Variants in OPCML observed in about 807,000 individuals in gnomAD.
The protein encoded by OPCML is opioid binding protein/cell adhesion molecule like.
A neutral mutation model predicts 37.8 loss-of-function variants in OPCML; 13 were observed. That is an observed-to-expected ratio of 0.34 (90% CI 0.22 to 0.55). The LOEUF (loss-of-function observed/expected upper bound fraction) is 0.55, where lower values mean the gene tolerates loss of function less well. Ranked by LOEUF, OPCML falls within the 20% of genes least tolerant of loss-of-function variation. The pLI, the probability that OPCML is intolerant of heterozygous loss-of-function variation, is 0.91. For missense variants in OPCML, 341 were observed against 435.6 expected, an observed-to-expected ratio of 0.78 and a Z score of 1.93; for synonymous variants, 176 against 168.8, an observed-to-expected ratio of 1.04 and a Z score of -0.33.
chr11:133,419,467 A>G, intron 1 of OPCML: 1 of 333,976 alleles, frequency 3.0e-6, no homozygotes, highest in Non-Finnish European at 4.3e-6. Context: ...TAAACTTTTG[A>G]TTAAATAAGT....
At chr11:132,622,350 T>C (rs1251757112) in intron 3 of OPCML, among the ~76,000 whole-genome samples, 1 of 150,406 alleles carries the variant, frequency 6.6e-6, no homozygotes, top group Non-Finnish European at 1.5e-5. Context: ...AGAGCAAACA[T>C]GAAAAGAGGA....
At chr11:133,293,879 A>G (rs1942551442) in intron 1 of OPCML, among the ~76,000 whole-genome samples, 1 of 103,556 alleles carries the variant, frequency 9.7e-6, no homozygotes, top group Admixed American at 1.2e-4. Flanking sequence ...ATCCTAAAGA[A>G]AAAAAAAAAA....
At chr11:132,981,466 T>C (rs1008642625) in intron 1 of OPCML, among the ~76,000 whole-genome samples, 5 of 152,018 alleles carry the variant, frequency 3.3e-5, no homozygotes, top group Non-Finnish European at 7.4e-5. Flanking sequence ...GGGAGAACAC[T>C]GAGGGATAAC....
intron 1 of OPCML, among the ~76,000 whole-genome samples, chr11:133,072,809 A>C (rs922060405): frequency 7.9e-5 from 12 of 152,234 alleles, no homozygotes; most frequent in African/African-American, 2.9e-4. Flanking sequence ...GACTGTAAGT[A>C]CTCAAGAGTG....
At chr11:133,249,651 T>TCTGA (rs1444904604) in intron 1 of OPCML, among the ~76,000 whole-genome samples, 1 of 152,118 alleles carries the variant, frequency 6.6e-6, no homozygotes, top group African/African-American at 2.4e-5. Flanking sequence ...TTCTAATCTA[T>TCTGA]CTGACTGTTG....
intron 1 of OPCML, among the ~76,000 whole-genome samples, chr11:133,138,408 T>C (rs748130141): frequency 2.0e-5 from 3 of 152,208 alleles, no homozygotes; most frequent in Non-Finnish European, 2.9e-5. Context: ...AAGGTAACCA[T>C]ATGGGGAAAG....
At chr11:132,548,603 G>C (rs370112471) in intron 3 of OPCML, among the ~76,000 whole-genome samples, 18 of 152,290 alleles carry the variant, frequency 1.2e-4, no homozygotes, top group African/African-American at 4.3e-4. Flanking sequence ...AGCCAGCGAG[G>C]AATAAGCTCT....
intron 1 of OPCML, among the ~76,000 whole-genome samples, chr11:133,019,832 C>T (rs1947415683): frequency 6.6e-6 from 1 of 152,264 alleles, no homozygotes; most frequent in Admixed American, 6.5e-5. Context: ...CCACTGAAAA[C>T]CCAGTGTCAT....
chr11:132,631,620 C>T (rs1336684623), intron 3 of OPCML, among the ~76,000 whole-genome samples: 11 of 150,348 alleles, frequency 7.3e-5, no homozygotes, highest in East Asian at 1.9e-4. Flanking sequence ...CCACCACGCC[C>T]GGCTAATTTT....
Position 132,771,386 on chromosome 11 carries a change from C to T in OPCML, c.147-114067G>A, listed in dbSNP as rs528071374. Among the ~76,000 whole-genome samples the T allele has an allele frequency of 6.6e-5, 10 of 152,230 alleles. No homozygotes were observed. The East Asian group carries it at 1.4e-3, about 21-fold the overall frequency. ...TAAGCAATAGAAAGCAGAGAGGCCA[C>T]GCCTGTAATAAATCAATTAGCCGAT... On this transcript the variant is annotated intron_variant, in intron 2 of 7. Coordinates refer to ENST00000524381, the MANE Select transcript of OPCML (RefSeq NM_001012393.5).
intron 2 of OPCML, among the ~76,000 whole-genome samples, chr11:132,697,965 T>G (rs1356423500): frequency 6.7e-6 from 1 of 148,296 alleles, no homozygotes; most frequent in Non-Finnish European, 1.5e-5. Context: ...TAATTTATTT[T>G]ATTTTATTTT....
chr11:133,272,221 C>T (rs1468573226), intron 1 of OPCML, among the ~76,000 whole-genome samples: 1 of 136,448 alleles, frequency 7.3e-6, no homozygotes, highest in African/African-American at 2.7e-5. Context: ...TTGAAGTGGT[C>T]TTTATTTAAG....
In OPCML at chr11:133,141,006, C is replaced by T. The variant is rs868174726; in HGVS notation, c.62-197996G>A. 7.1e-4 allele frequency among the ~76,000 whole-genome samples: 4 copies of T among 5,638 alleles called. 1 individual carries two copies. Among genetic ancestry groups the T allele is most frequent in the African/African-American group, 1.5e-3 (4 of 2,758 alleles). 3.7% of individuals were successfully genotyped at this position (5,638 alleles called of 152,430 possible). A position where few individuals can be genotyped will look rare whatever the true frequency, so the allele number is the denominator to read the frequency against. ...AAGAAGAAGAAGAAGAAGACGACGA[C>T]GACGACGACGACGACGACGACGACG... On this transcript the variant is annotated intron_variant, in intron 1 of 7. Coordinates refer to ENST00000524381, the MANE Select transcript of OPCML (RefSeq NM_001012393.5).
chr11:133,003,949 C>T, intron 1 of OPCML: 2 of 985,386 alleles, frequency 2.0e-6, no homozygotes, highest in African/African-American at 3.5e-5. Flanking sequence ...GCACCCGGCA[C>T]ACTGTCCCGT....
At chr11:132,635,227 A>G (rs1940413584) in intron 3 of OPCML, among the ~76,000 whole-genome samples, 1 of 152,152 alleles carries the variant, frequency 6.6e-6, no homozygotes, top group African/African-American at 2.4e-5. Context: ...AAAACTATGG[A>G]GTATGCTTAC....
At chr11:133,293,307 G>C (rs1942533361) in intron 1 of OPCML, among the ~76,000 whole-genome samples, 1 of 152,080 alleles carries the variant, frequency 6.6e-6, no homozygotes, top group African/African-American at 2.4e-5. Flanking sequence ...TGACCTAGGA[G>C]GTTGCATAGA....
intron 1 of OPCML, among the ~76,000 whole-genome samples, chr11:133,195,594 A>T (rs149552753): frequency 1.3e-5 from 2 of 152,224 alleles, no homozygotes; most frequent in Non-Finnish European, 2.9e-5. Flanking sequence ...AAACATCTCC[A>T]TGGTATCTGT....
intron 1 of OPCML, among the ~76,000 whole-genome samples, chr11:133,309,410 C>A: frequency 6.6e-6 from 1 of 152,096 alleles, no homozygotes; most frequent in African/African-American, 2.4e-5. Context: ...TTGTACAAAG[C>A]AATGAACCAG....
chr11:133,301,906 C>T (rs1003691475), intron 1 of OPCML: 5 of 151,930 alleles, frequency 3.3e-5, no homozygotes, highest in Admixed American at 3.3e-4. Flanking sequence ...TTACAAATAC[C>T]CATGAATGTG....
Sources: allele counts gnomAD v4.1 joint callset (sites outside exome capture counted in the v4.1 genomes callset), GRCh38; gene constraint gnomAD v4.1.1; transcripts MANE v1.5; gene names NCBI Gene and HGNC (gene_info 2026-07-23, HGNC 2026-07-21).